CMTM7: variants seen among roughly 807,000 people sequenced by gnomAD.
CMTM7 encodes the protein CKLF-like MARVEL transmembrane domain-containing protein 7.
CMTM7 carries 7 observed loss-of-function variants against 19.3 expected under a neutral mutation model. That is an observed-to-expected ratio of 0.36 (90% CI 0.21 to 0.68). The LOEUF (loss-of-function observed/expected upper bound fraction) is 0.68. Among genes scored for constraint, CMTM7 ranks in the 30% least tolerant of loss-of-function variants. CMTM7 has a pLI of 0.60. For missense variants in CMTM7, 193 were observed against 232.6 expected, an observed-to-expected ratio of 0.83 and a Z score of 1.11; for synonymous variants, 87 against 99.3, an observed-to-expected ratio of 0.88 and a Z score of 0.74.
chr3:32,410,691 C>T (rs1253211901), intron 1 of CMTM7, among the ~76,000 whole-genome samples: 1 of 151,924 alleles, frequency 6.6e-6, no homozygotes, highest in African/African-American at 2.4e-5. Flanking sequence ...CCACTCCCAC[C>T]CCCCACAGTT....
At chr3:32,446,893 T>C (rs547789258) in intron 2 of CMTM7, among the ~76,000 whole-genome samples, 89 of 152,352 alleles carry the variant, frequency 5.8e-4, no homozygotes, top group Middle Eastern at 3.4e-3. Context: ...GCCATGCTTC[T>C]TGTACAGCCT....
At chr3:32,392,164 C>A in intron 1 of CMTM7, 99 bp downstream of exon 1, 1 of 936,694 alleles carries the variant, frequency 1.1e-6, no homozygotes, top group Non-Finnish European at 1.4e-6. Flanking sequence ...CCGGCCGGAG[C>A]CCAGGGAGCA....
chr3:32,440,732 T>G (rs1424825459), intron 1 of CMTM7, among the ~76,000 whole-genome samples: 1 of 152,048 alleles, frequency 6.6e-6, no homozygotes, highest in East Asian at 1.9e-4. Context: ...GAGCTGAGAT[T>G]GGTTCACTGC....
intron 1 of CMTM7, among the ~76,000 whole-genome samples, chr3:32,434,505 A>G (rs907774747): frequency 5.3e-5 from 8 of 150,474 alleles, no homozygotes; most frequent in African/African-American, 2.0e-4. Context: ...GGGTCTCACT[A>G]TGTTGCCCAG....
Position 32,409,182 on chromosome 3 carries a change from G to A in CMTM7, c.159+17117G>A, listed in dbSNP as rs756427010. Among the ~76,000 whole-genome samples, 72 of 152,236 alleles carry A rather than the reference G, an allele frequency of 4.7e-4. 1 individual carries two copies. The highest frequency in any genetic ancestry group is 2.0e-3 in the Admixed American group (30 of 15,296). On this transcript the variant is annotated intron_variant, in intron 1 of 4. Coordinates refer to ENST00000334983, the MANE Select transcript of CMTM7 (RefSeq NM_138410.4). ...AGGCATGAGCCACTGTGCCTGGGCCGTAACTTTTTATTTATAAATAATCCC... is the reference window on the plus strand; with the variant it reads ...AGGCATGAGCCACTGTGCCTGGGCCATAACTTTTTATTTATAAATAATCCC...
At chr3:32,431,480 C>T (rs1473588296) in intron 1 of CMTM7, among the ~76,000 whole-genome samples, 1 of 151,988 alleles carries the variant, frequency 6.6e-6, no homozygotes, top group Non-Finnish European at 1.5e-5. Context: ...GTTGGAGTCC[C>T]AGAGCCCTGC....
chr3:32,422,949 G>A (rs567415673), intron 1 of CMTM7, among the ~76,000 whole-genome samples: 34 of 152,286 alleles, frequency 2.2e-4, no homozygotes, highest in Admixed American at 5.9e-4. Context: ...CCATACCATT[G>A]TAAAGTTGAA....
intron 1 of CMTM7, among the ~76,000 whole-genome samples, chr3:32,424,145 G>A (rs572334031): frequency 2.0e-5 from 3 of 152,302 alleles, no homozygotes; most frequent in Non-Finnish European, 4.4e-5. Context: ...GAAAGCTGGG[G>A]CCAGAGTCAT....
chr3:32,422,651 G>C (rs558924002), intron 1 of CMTM7, among the ~76,000 whole-genome samples: 1 of 152,356 alleles, frequency 6.6e-6, no homozygotes, highest in South Asian at 2.1e-4. Context: ...TCTGAAAACA[G>C]ATGTATCAGT....
intron 1 of CMTM7, among the ~76,000 whole-genome samples, chr3:32,407,364 G>A (rs1489811334): frequency 1.3e-5 from 2 of 152,020 alleles, no homozygotes; most frequent in East Asian, 3.9e-4. Flanking sequence ...TTGAAACAAG[G>A]GAAGGGAAAA....
intron 1 of CMTM7, among the ~76,000 whole-genome samples, chr3:32,405,425 G>A (rs758868693): frequency 6.6e-6 from 1 of 152,228 alleles, no homozygotes; most frequent in Non-Finnish European, 1.5e-5. Context: ...TTATCACTGG[G>A]CTGTGGTCAC....
At chr3:32,443,449 A>G (rs912737408) in intron 2 of CMTM7, among the ~76,000 whole-genome samples, 1 of 152,076 alleles carries the variant, frequency 6.6e-6, no homozygotes, top group Non-Finnish European at 1.5e-5. Context: ...ACCAGACTGC[A>G]TTTTGTTTTT....
At chr3:32,394,413 A>T (rs1161385871) in intron 1 of CMTM7, among the ~76,000 whole-genome samples, 1 of 152,192 alleles carries the variant, frequency 6.6e-6, no homozygotes, top group Non-Finnish European at 1.5e-5. Context: ...TCAGCTTCTC[A>T]TGAAATGTTT....
chr3:32,428,390 C>T (rs910272486), intron 1 of CMTM7, among the ~76,000 whole-genome samples: 4 of 152,172 alleles, frequency 2.6e-5, no homozygotes, highest in African/African-American at 9.7e-5. Context: ...GATCGGGGTA[C>T]CTCATGGAGG....
At chr3:32,448,543 C>G (rs1242742467) in intron 2 of CMTM7, among the ~76,000 whole-genome samples, 2 of 152,202 alleles carry the variant, frequency 1.3e-5, no homozygotes, top group Non-Finnish European at 1.5e-5. Context: ...CTTCTCGGAT[C>G]TGATGTTTAA....
At chr3:32,407,760 T>C (rs58301718) in intron 1 of CMTM7, among the ~76,000 whole-genome samples, 11,578 of 152,256 alleles carry the variant, frequency 0.076, 494 homozygotes, top group East Asian at 0.15. Context: ...CCCCTGGGCC[T>C]GATGGGGGTC....
intron 1 of CMTM7, among the ~76,000 whole-genome samples, chr3:32,399,840 A>C (rs1473676845): frequency 6.6e-6 from 1 of 152,170 alleles, no homozygotes; most frequent in African/African-American, 2.4e-5. Context: ...TGACCAAACA[A>C]ATGCAAAAAT....
intron 1 of CMTM7, 99 bp downstream of exon 1, chr3:32,392,164 C>G (rs906010382): frequency 1.1e-6 from 1 of 936,584 alleles, no homozygotes; most frequent in Non-Finnish European, 1.4e-6. Flanking sequence ...CCGGCCGGAG[C>G]CCAGGGAGCA....
chr3:32,394,517 C>T (rs1429868795), intron 1 of CMTM7, among the ~76,000 whole-genome samples: 2 of 152,066 alleles, frequency 1.3e-5, no homozygotes, highest in African/African-American at 4.8e-5. Context: ...CTTGTCTTGG[C>T]CTCTTCTGGG....
Sources: allele counts gnomAD v4.1 joint callset (sites outside exome capture counted in the v4.1 genomes callset), GRCh38; gene constraint gnomAD v4.1.1; transcripts MANE v1.5; gene names NCBI Gene and HGNC (gene_info 2026-07-23, HGNC 2026-07-21).